The following CA10 variants were observed in gnomAD, a reference collection of about 807,000 sequenced individuals.
CA10 encodes carbonic anhydrase-related protein 10.
CA10 carries 14 observed loss-of-function variants against 44.2 expected under a neutral mutation model. That is an observed-to-expected ratio of 0.32 (90% confidence interval 0.21 to 0.50). CA10 has a LOEUF of 0.50. CA10 is among the 20% of genes least tolerant of loss of function. The pLI, the probability that CA10 is intolerant of heterozygous loss-of-function variation, is 0.99. For synonymous variants in CA10, 159 were observed against 141.6 expected, an observed-to-expected ratio of 1.12 and a Z score of -0.87; for missense variants, 350 against 409.7, an observed-to-expected ratio of 0.85 and a Z score of 1.26.
intron 3 of CA10, among the ~76,000 whole-genome samples, chr17:51,875,661 T>G (rs571952785): frequency 1.4e-4 from 22 of 152,232 alleles, no homozygotes; most frequent in African/African-American, 5.3e-4. Flanking sequence ...ACTTAAAAAG[T>G]TATTTATATT....
chr17:51,755,098 A>T (rs1185410185), intron 3 of CA10, among the ~76,000 whole-genome samples: 1 of 152,160 alleles, frequency 6.6e-6, no homozygotes, highest in African/African-American at 2.4e-5. Context: ...ATAGAAGGAG[A>T]ACCAGTTTGA....
intron 4 of CA10, among the ~76,000 whole-genome samples, chr17:51,669,837 C>T (rs189174853): frequency 4.8e-4 from 73 of 152,308 alleles, no homozygotes; most frequent in African/African-American, 1.6e-3. Flanking sequence ...ACCAAGAACC[C>T]GCCAATTTTG....
At chr17:51,855,908 T>TA (rs1979018127) in intron 3 of CA10, among the ~76,000 whole-genome samples, 1 of 152,092 alleles carries the variant, frequency 6.6e-6, no homozygotes. Context: ...TGTCATGGTC[T>TA]TTGCTTTCCT....
intron 4 of CA10, among the ~76,000 whole-genome samples, chr17:51,734,183 G>T (rs991231250): frequency 2.0e-5 from 3 of 146,534 alleles, no homozygotes; most frequent in African/African-American, 5.0e-5. Context: ...TTGGTTGGGG[G>T]GGGGGGGTTC....
chr17:51,937,965 T>C (rs984851270), intron 2 of CA10, among the ~76,000 whole-genome samples: 2 of 152,158 alleles, frequency 1.3e-5, no homozygotes, highest in South Asian at 2.1e-4. Context: ...ACAACTAAGA[T>C]GGATTATCAC....
chr17:52,140,487 A>G (rs1482761288), intron 1 of CA10, among the ~76,000 whole-genome samples: 5 of 152,242 alleles, frequency 3.3e-5, no homozygotes, highest in Non-Finnish European at 7.3e-5. Flanking sequence ...TTGTTTTCAT[A>G]TAATTTTCAT....
At chr17:51,979,590 C>T (rs1984582713) in intron 2 of CA10, among the ~76,000 whole-genome samples, 1 of 152,144 alleles carries the variant, frequency 6.6e-6, no homozygotes. Context: ...ATTTGGTTTT[C>T]TATTCCTGCA....
chr17:51,820,119 C>T (rs1907709030), intron 3 of CA10, among the ~76,000 whole-genome samples: 1 of 151,818 alleles, frequency 6.6e-6, no homozygotes, highest in Non-Finnish European at 1.5e-5. Flanking sequence ...TCCCAAGTTC[C>T]ACAGCTTGCA....
intron 1 of CA10, among the ~76,000 whole-genome samples, chr17:52,113,438 C>T (rs1316347043): frequency 1.3e-5 from 2 of 152,128 alleles, no homozygotes; most frequent in Non-Finnish European, 2.9e-5. Flanking sequence ...ATGCATAAGG[C>T]ATTGCCCTGG....
intron 2 of CA10, among the ~76,000 whole-genome samples, chr17:52,065,638 GGGTAAAATCCAAACTTCTAGTTCCTTTCA>G (rs1987516018): frequency 6.6e-6 from 1 of 152,124 alleles, no homozygotes; most frequent in Non-Finnish European, 1.5e-5. Context: ...TGATTCTTTA[GGGTAAAATCCAAACTTCTAGTTCCTTTCA>G]GGTAAAATCC....
intron 6 of CA10, among the ~76,000 whole-genome samples, chr17:51,638,655 G>A (rs1416077499): frequency 6.6e-6 from 1 of 152,188 alleles, no homozygotes; most frequent in Non-Finnish European, 1.5e-5. Context: ...CACTAAGCCA[G>A]GTATAGATGA....
chr17:51,958,016 G>A (rs1459619045), intron 2 of CA10, among the ~76,000 whole-genome samples: 1 of 151,910 alleles, frequency 6.6e-6, no homozygotes, highest in East Asian at 1.9e-4. Context: ...CTCGTAAATT[G>A]TGCATGCCTC....
At chr17:51,873,269 G>T (rs974446356) in intron 3 of CA10, among the ~76,000 whole-genome samples, 2 of 152,150 alleles carry the variant, frequency 1.3e-5, no homozygotes, top group African/African-American at 4.8e-5. Context: ...TGACAATGAG[G>T]ATAGACAACT....
At chr17:51,891,426 C>T (rs912859554) in intron 3 of CA10, among the ~76,000 whole-genome samples, 1 of 152,170 alleles carries the variant, frequency 6.6e-6, no homozygotes, top group Admixed American at 6.6e-5. Context: ...TCAGCCTGGC[C>T]TTGAAACAGA....
chr17:52,048,379 T>A (rs1438906196), intron 2 of CA10, among the ~76,000 whole-genome samples: 1 of 151,992 alleles, frequency 6.6e-6, no homozygotes, highest in Non-Finnish European at 1.5e-5. Context: ...ACATAAATAC[T>A]TTAAGCACCT....
intron 1 of CA10, among the ~76,000 whole-genome samples, chr17:52,077,134 T>C (rs1193259252): frequency 1.3e-5 from 2 of 152,228 alleles, no homozygotes; most frequent in Non-Finnish European, 2.9e-5. Flanking sequence ...ATCTCAGAAT[T>C]TTGAGAGACA....
At chr17:51,825,166 G>A (rs560742462) in intron 3 of CA10, among the ~76,000 whole-genome samples, 1 of 152,188 alleles carries the variant, frequency 6.6e-6, no homozygotes, top group African/African-American at 2.4e-5. Context: ...TCAGAGCCTC[G>A]CTGCATTTTC....
chr17:52,020,961 G>T (rs1250708743), intron 2 of CA10, among the ~76,000 whole-genome samples: 3 of 151,998 alleles, frequency 2.0e-5, no homozygotes, highest in Non-Finnish European at 4.4e-5. Flanking sequence ...ATCACTCATT[G>T]TTGCTGCAAA....
chr17:51,671,396 AT>A (rs1046517451), intron 4 of CA10, among the ~76,000 whole-genome samples: 1 of 103,268 alleles, frequency 9.7e-6, no homozygotes, highest in Non-Finnish European at 2.1e-5. Context: ...CATTTGGGTC[AT>A]TTTTTTTGTT....
Sources: gnomAD v4.1 joint callset for allele counts (sites outside exome capture counted in the v4.1 genomes callset) on GRCh38, gnomAD v4.1.1 for gene constraint, MANE v1.5 for transcripts, NCBI Gene and HGNC (gene_info 2026-07-23, HGNC 2026-07-21) for gene names.